ZFAND3: variants seen among roughly 807,000 people sequenced by gnomAD.
The protein encoded by ZFAND3 is zinc finger AN1-type containing 3, also known as AN1-type zinc finger protein 3.
ZFAND3 carries 10 observed loss-of-function variants against 29.6 expected under a neutral mutation model. That is an observed-to-expected ratio of 0.34 (90% CI 0.21 to 0.57). The LOEUF (loss-of-function observed/expected upper bound fraction) is 0.57, where lower values mean the gene tolerates loss of function less well. ZFAND3 is among the 20% of genes least tolerant of loss of function. The pLI is 0.86. For missense variants in ZFAND3, 230 were observed against 304.5 expected (o/e 0.76, Z 1.82); for synonymous variants, 128 against 112.6 (o/e 1.14, Z -0.87).
intron 2 of ZFAND3, among the ~76,000 whole-genome samples, chr6:38,025,159 T>G (rs1029165624): frequency 3.3e-5 from 5 of 152,254 alleles, no homozygotes; most frequent in Non-Finnish European, 7.3e-5. Flanking sequence ...GTTTCCATTT[T>G]CTGACTCAGG....
chr6:37,839,850 T>A (rs1337315241), intron 1 of ZFAND3, among the ~76,000 whole-genome samples: 1 of 152,116 alleles, frequency 6.6e-6, no homozygotes, highest in African/African-American at 2.4e-5. Flanking sequence ...TTACTAGTTA[T>A]TTATCAGATA....
intron 2 of ZFAND3, among the ~76,000 whole-genome samples, chr6:38,007,407 A>G (rs919921647): frequency 6.6e-6 from 1 of 152,044 alleles, no homozygotes; most frequent in Non-Finnish European, 1.5e-5. Flanking sequence ...TTTGTCCGGC[A>G]TGATGGTATA....
intron 5 of ZFAND3, 142 bp downstream of exon 5, chr6:38,116,881 G>T: frequency 9.0e-7 from 1 of 1,113,588 alleles, no homozygotes; most frequent in Non-Finnish European, 1.2e-6. Flanking sequence ...TATAGGTTTG[G>T]GGCTTGAGAA....
In ZFAND3 at chr6:37,971,024, A is replaced by T. The variant is rs555769422; in HGVS notation, c.112+41025A>T. Reference sequence around the variant, plus strand: ...GTGATGATCCTTGTTGAAAATTTAGATTGATGATGTAGTTTGTGATGTTGA... The same window carrying T: ...GTGATGATCCTTGTTGAAAATTTAGTTTGATGATGTAGTTTGTGATGTTGA... On this transcript the variant is annotated intron_variant, in intron 2 of 5. Coordinates refer to ENST00000287218, the MANE Select transcript of ZFAND3 (RefSeq NM_021943.3). Among the ~76,000 whole-genome samples, 3 of 152,324 alleles carry T rather than the reference A, an allele frequency of 2.0e-5. No individual in the cohort carries two copies. The East Asian group carries it at 5.8e-4, about 29-fold the overall frequency.
intron 2 of ZFAND3, among the ~76,000 whole-genome samples, chr6:38,057,998 A>G (rs912137846): frequency 2.0e-5 from 3 of 152,190 alleles, no homozygotes; most frequent in Admixed American, 6.5e-5. Flanking sequence ...AAAAGAAGGT[A>G]CACTGTGTCA....
chr6:37,895,450 T>C (rs1299931605), intron 1 of ZFAND3, among the ~76,000 whole-genome samples: 1 of 134,998 alleles, frequency 7.4e-6, no homozygotes, highest in Non-Finnish European at 1.6e-5. Flanking sequence ...TTCTCCTGCC[T>C]CAGAGGTTCT....
At chr6:38,116,480 CCTGGTCAGGAGA>C (rs1378190380) in intron 4 of ZFAND3, 80 bp from the exon 5 acceptor site, 3 of 1,443,360 alleles carry the variant, frequency 2.1e-6, no homozygotes, top group Non-Finnish European at 2.8e-6. Context: ...AGGGCAGTAG[CCTGGTCAGGAGA>C]ATGCCTGGAA....
chr6:38,138,674 A>G (rs1414699399), intron 5 of ZFAND3, among the ~76,000 whole-genome samples: 3 of 152,236 alleles, frequency 2.0e-5, no homozygotes, highest in African/African-American at 7.2e-5. Context: ...ACCTCTAATA[A>G]AGTCAGTGTG....
intron 2 of ZFAND3, among the ~76,000 whole-genome samples, chr6:37,931,557 A>C (rs992593254): frequency 1.4e-5 from 2 of 145,742 alleles, no homozygotes; most frequent in African/African-American, 2.5e-5. Flanking sequence ...AAAAAAAAAC[A>C]AAAAAAAAAC....
chr6:38,025,893 A>G (rs1483408343), intron 2 of ZFAND3, among the ~76,000 whole-genome samples: 1 of 152,192 alleles, frequency 6.6e-6, no homozygotes, highest in Admixed American at 6.5e-5. Context: ...TCGGAAGGGA[A>G]TGAGTGGTCC....
intron 2 of ZFAND3, among the ~76,000 whole-genome samples, chr6:37,958,375 A>T (rs1355718685): frequency 6.6e-6 from 1 of 151,100 alleles, no homozygotes; most frequent in Non-Finnish European, 1.5e-5. Flanking sequence ...AATCGCTTGA[A>T]CCTGGGAGGT....
At position 38,071,065 on chromosome 6, in the gene ZFAND3, T is replaced by TTATA. The variant is rs138964435; in HGVS notation, c.295+9304_295+9307dup. ...TTCTTACTGATTTGTAGGAATTCTT[T>TTATA]TATATATATATATATATGTAACAAA... On this transcript the variant is annotated intron_variant, in intron 3 of 5. Transcript: ENST00000287218. 0.016 allele frequency among the ~76,000 whole-genome samples: 2,336 copies of TTATA among 148,796 alleles called. 204 individuals are homozygous for TTATA. In the East Asian group the frequency reaches 0.26, roughly 17 times the overall value.
At chr6:38,026,787 C>CAG (rs71907088) in intron 2 of ZFAND3, among the ~76,000 whole-genome samples, 90,766 of 148,868 alleles carry the variant, frequency 0.61, 27,689 homozygotes, top group South Asian at 0.7. Flanking sequence ...TTTTAATAAC[C>CAG]AGAGAGAGAG....
rs566126068 is a variant in ZFAND3, at chr6:37,905,973, T to A, written c.72-23986T>A. On this transcript the variant is annotated intron_variant, in intron 1 of 5. Transcript: ENST00000287218. ...AAGCCAAAAGAGGTAGAAAAAGTTATAGTAATTAAGTTCAAGTTAAAAATG... is the reference window on the plus strand; with the variant it reads ...AAGCCAAAAGAGGTAGAAAAAGTTAAAGTAATTAAGTTCAAGTTAAAAATG... Among the ~76,000 whole-genome samples the A allele has an allele frequency of 7.9e-5, 12 of 152,290 alleles. No individual in the cohort carries two copies. In the East Asian group the frequency reaches 2.3e-3, roughly 29 times the overall value.
intron 2 of ZFAND3, among the ~76,000 whole-genome samples, chr6:37,978,145 G>T (rs1762521471): frequency 6.6e-6 from 1 of 152,002 alleles, no homozygotes; most frequent in African/African-American, 2.4e-5. Flanking sequence ...ATGTTGGTCA[G>T]GCCAGTCTCG....
intron 2 of ZFAND3, among the ~76,000 whole-genome samples, chr6:37,941,952 C>T (rs1435522721): frequency 6.6e-6 from 1 of 152,112 alleles, no homozygotes; most frequent in Non-Finnish European, 1.5e-5. Context: ...GATTTGTTCC[C>T]CAGCTTCCCT....
At chr6:37,960,067 A>G (rs1449780473) in intron 2 of ZFAND3, among the ~76,000 whole-genome samples, 1 of 152,244 alleles carries the variant, frequency 6.6e-6, no homozygotes, top group Non-Finnish European at 1.5e-5. Flanking sequence ...TTCAAGCAAG[A>G]CCACTGAAAT....
intron 5 of ZFAND3, among the ~76,000 whole-genome samples, chr6:38,141,103 G>A (rs1459482489): frequency 6.6e-6 from 1 of 151,670 alleles, no homozygotes; most frequent in Non-Finnish European, 1.5e-5. Flanking sequence ...TAAGCTCCTC[G>A]GAATGACCTT....
At chr6:38,089,239 C>T (rs1764818123) in intron 4 of ZFAND3, among the ~76,000 whole-genome samples, 1 of 152,046 alleles carries the variant, frequency 6.6e-6, no homozygotes, top group Non-Finnish European at 1.5e-5. Context: ...TCTCCTGCCT[C>T]ACCCCCACCC....
Sources: allele counts gnomAD v4.1 joint callset (sites outside exome capture counted in the v4.1 genomes callset), GRCh38; gene constraint gnomAD v4.1.1; transcripts MANE v1.5; gene names NCBI Gene and HGNC (gene_info 2026-07-23, HGNC 2026-07-21).